Variants in PHF20L1 observed in about 807,000 individuals in gnomAD.
The protein encoded by PHF20L1 is PHD finger protein 20-like protein 1.
Under a neutral mutation model 125.5 loss-of-function variants are expected in PHF20L1, and 44 were observed. The observed-to-expected ratio is 0.35, with a 90% CI of 0.28 to 0.45. The LOEUF (loss-of-function observed/expected upper bound fraction) is 0.45, where lower values mean the gene tolerates loss of function less well. Ranked by LOEUF, PHF20L1 falls within the 20% of genes least tolerant of loss-of-function variation. PHF20L1 has a pLI of 1.00. For missense variants in PHF20L1, 1,012 were observed against 1,217.2 expected, an observed-to-expected ratio of 0.83 and a Z score of 2.51; for synonymous variants, 380 against 403.1, an observed-to-expected ratio of 0.94 and a Z score of 0.69.
intron 2 of PHF20L1, among the ~76,000 whole-genome samples, chr8:132,790,286 G>A (rs1011778486): frequency 3.3e-5 from 5 of 152,138 alleles, no homozygotes; most frequent in African/African-American, 1.2e-4. Flanking sequence ...TTCACTGTAT[G>A]TATCAAAACA....
chr8:132,797,690 A>G (rs561342814), intron 4 of PHF20L1, among the ~76,000 whole-genome samples: 58 of 152,094 alleles, frequency 3.8e-4, no homozygotes, highest in African/African-American at 1.3e-3. Context: ...AGATCTTTAT[A>G]TCTGTGAAAT....
intron 19 of PHF20L1, chr8:132,843,637 G>GTA: frequency 1.0e-6 from 1 of 984,490 alleles, no homozygotes; most frequent in South Asian, 4.7e-5. Context: ...GTGTGTGTGT[G>GTA]TGAAGCAGTT....
chr8:132,792,968 T>TTC (rs1554627934), intron 2 of PHF20L1, among the ~76,000 whole-genome samples: 3 of 143,562 alleles, frequency 2.1e-5, no homozygotes, highest in Non-Finnish European at 3.0e-5. Flanking sequence ...TTTTTTCTTT[T>TTC]TTTTTTTTTT....
At chr8:132,837,688 G>T in intron 16 of PHF20L1, 24 bp from the exon 17 acceptor site, 2 of 1,574,336 alleles carry the variant, frequency 1.3e-6, no homozygotes, top group Non-Finnish European at 1.7e-6. Flanking sequence ...TCGGGTGACT[G>T]TAATACTCCT....
chr8:132,790,596 C>CA (rs1029838791), intron 2 of PHF20L1, among the ~76,000 whole-genome samples: 1 of 152,178 alleles, frequency 6.6e-6, no homozygotes, highest in Non-Finnish European at 1.5e-5. Context: ...GTAGTCTAGC[C>CA]AAAAGGACTG....
intron 2 of PHF20L1, among the ~76,000 whole-genome samples, chr8:132,778,192 T>C (rs966370634): frequency 9.9e-5 from 15 of 152,192 alleles, no homozygotes; most frequent in African/African-American, 3.6e-4. Context: ...GTATACCTCA[T>C]GTATACCTCA....
In PHF20L1 at chr8:132,847,758, T is replaced by A. The variant is rs1838520540; in HGVS notation, c.*1835T>A. 6.6e-6 allele frequency: 1 copy of A among 152,590 alleles called. No homozygotes were observed. Among genetic ancestry groups the A allele is most frequent in the Admixed American group, 6.6e-5 (1 of 15,264 alleles). The allele number at this position is 152,590 out of a possible 1,614,324, so 9.5% of individuals were successfully genotyped here. On this transcript the variant is annotated 3_prime_UTR_variant, in exon 21 of 21. Coordinates refer to ENST00000395386, the MANE Select transcript of PHF20L1 (RefSeq NM_016018.5). The stretch of plus-strand genomic sequence containing the variant: ...GTGTATTTACTTGTCATACTTTAAC[T>A]TTGTGAAAGATCTTACTGATAAATG...
At chr8:132,822,862 G>A (rs1835753456) in intron 12 of PHF20L1, among the ~76,000 whole-genome samples, 1 of 151,730 alleles carries the variant, frequency 6.6e-6, no homozygotes, top group African/African-American at 2.4e-5. Context: ...TTTTGATACT[G>A]TTGTAGAATG....
At chr8:132,785,677 G>C (rs1012017025) in intron 2 of PHF20L1, among the ~76,000 whole-genome samples, 1 of 151,996 alleles carries the variant, frequency 6.6e-6, no homozygotes, top group African/African-American at 2.4e-5. Flanking sequence ...ATTAGAAATT[G>C]GTATGCAAGT....
intron 8 of PHF20L1, 126 bp from the exon 9 acceptor site, chr8:132,810,920 A>G (rs1423932593): frequency 1.5e-6 from 1 of 681,688 alleles, no homozygotes; most frequent in African/African-American, 1.8e-5. Flanking sequence ...AAAAGAAAAC[A>G]TTTGAGATTA....
At position 132,839,531 on chromosome 8, in the gene PHF20L1, A is replaced by G. The variant is rs184173196; in HGVS notation, c.2336A>G (p.Tyr779Cys). 9.5e-5 allele frequency: 153 copies of G among 1,613,506 alleles called. No homozygotes were observed. Among genetic ancestry groups the G allele is most frequent in the East Asian group, 4.2e-4 (19 of 44,854 alleles). ...ACACATCACCTGCTTGCTGATGTCT[A>G]TGGTGTTACAGAAGTGCTACACGGG... ...VSTHHLLADV[Y>C]GVTEVLHGLQ... The change falls in exon 18 of 21, where the codon TAT (tyrosine) becomes TGT (cysteine). Residue 779 changes from tyrosine to cysteine, a missense_variant. Transcript: ENST00000395386.
At chr8:132,805,585 T>C (rs1371947826) in intron 8 of PHF20L1, among the ~76,000 whole-genome samples, 1 of 151,978 alleles carries the variant, frequency 6.6e-6, no homozygotes, top group Non-Finnish European at 1.5e-5. Flanking sequence ...TTTTAGTGCC[T>C]TTGGCCTAAT....
chr8:132,832,704 A>G (rs369188448), intron 15 of PHF20L1, among the ~76,000 whole-genome samples: 1 of 152,096 alleles, frequency 6.6e-6, no homozygotes, highest in Admixed American at 6.6e-5. Context: ...CACATTTGAT[A>G]TATAAACAAG....
Position 132,814,802 on chromosome 8 carries a change from C to A in PHF20L1, c.1096C>A (p.Pro366Thr). ...AGATTCTTCTGGGTGTATAAAACCC[C>A]CTAAATCACCACTTTCCCCAGAATT... ...SGDSSGCIKP[P>T]KSPLSPELIQ... The change falls in exon 10 of 21, where the codon CCT becomes ACT. Residue 366 changes from proline to threonine, a missense_variant. Transcript: ENST00000395386. The A allele has an allele frequency of 6.2e-7, 1 of 1,612,232 alleles. No individual in the cohort carries two copies. The highest frequency in any genetic ancestry group is 2.2e-5 in the East Asian group (1 of 44,820).
intron 12 of PHF20L1, chr8:132,817,977 CATA>C (rs1835162292): frequency 6.6e-6 from 1 of 152,474 alleles, no homozygotes; most frequent in Non-Finnish European, 1.5e-5. Flanking sequence ...AATATAATTC[CATA>C]TTTTGGGGCA....
At chr8:132,835,964 G>C (rs1289906500) in intron 15 of PHF20L1, among the ~76,000 whole-genome samples, 1 of 151,740 alleles carries the variant, frequency 6.6e-6, no homozygotes, top group Non-Finnish European at 1.5e-5. Context: ...TTTATAGTAT[G>C]AATAATAAAA....
Position 132,848,691 on chromosome 8 carries a change from C to G in PHF20L1, c.*2768C>G, listed in dbSNP as rs1009745520. 1 of 151,980 alleles carries G rather than the reference C, an allele frequency of 6.6e-6. No individual in the cohort carries two copies. The highest frequency in any genetic ancestry group is 2.4e-5 in the African/African-American group (1 of 41,374). 9.4% of individuals were successfully genotyped at this position (151,980 alleles called of 1,614,324 possible). On this transcript the variant is annotated 3_prime_UTR_variant, in exon 21 of 21. Coordinates refer to ENST00000395386, the MANE Select transcript of PHF20L1 (RefSeq NM_016018.5). Reference sequence around the variant, plus strand: ...TTATTCTTTAAATTTCAGGTAAAACCCCTTTTCCTAACACTCATCTTATTT... The same window carrying G: ...TTATTCTTTAAATTTCAGGTAAAACGCCTTTTCCTAACACTCATCTTATTT...
chr8:132,789,478 T>C (rs142654806), intron 2 of PHF20L1, among the ~76,000 whole-genome samples: 48 of 152,314 alleles, frequency 3.2e-4, no homozygotes, highest in African/African-American at 1.1e-3. Flanking sequence ...AAGAAATCAG[T>C]TGAGATTAGT....
intron 14 of PHF20L1, chr8:132,826,302 A>T (rs1044243346): frequency 2.2e-4 from 34 of 152,218 alleles, no homozygotes; most frequent in Middle Eastern, 6.8e-3. Context: ...GTAATAGCAG[A>T]TGCTGCTGAG....
Sources: gnomAD v4.1 joint callset for allele counts (sites outside exome capture counted in the v4.1 genomes callset) on GRCh38, gnomAD v4.1.1 for gene constraint, MANE v1.5 for transcripts, NCBI Gene and HGNC (gene_info 2026-07-23, HGNC 2026-07-21) for gene names.